Variants in UBE2QL1 observed in about 807,000 individuals in gnomAD.
The protein encoded by UBE2QL1 is ubiquitin conjugating enzyme E2 QL1, also known as ubiquitin-conjugating enzyme E2Q-like protein 1.
Under a neutral mutation model 12.6 loss-of-function variants are expected in UBE2QL1, and 5 were observed. The observed-to-expected ratio is 0.40, with a 90% confidence interval of 0.21 to 0.83. The LOEUF (loss-of-function observed/expected upper bound fraction) is 0.83, where lower values mean the gene tolerates loss of function less well. Ranked by LOEUF, UBE2QL1 falls within the 40% of genes least tolerant of loss-of-function variation. UBE2QL1 has a pLI of 0.37. For missense variants in UBE2QL1, 99 were observed against 222.6 expected (o/e 0.44, Z 3.53); for synonymous variants, 96 against 94.5 (o/e 1.02, Z -0.10).
At chr5:6,465,923 T>G (rs867957259) in intron 1 of UBE2QL1, among the ~76,000 whole-genome samples, 6 of 152,142 alleles carry the variant, frequency 3.9e-5, no homozygotes, top group African/African-American at 1.4e-4. Context: ...CTCCTCTCAG[T>G]GTATTTGCTC....
At chr5:6,468,403 G>A (rs1209740973) in intron 1 of UBE2QL1, among the ~76,000 whole-genome samples, 1 of 152,172 alleles carries the variant, frequency 6.6e-6, no homozygotes, top group East Asian at 1.9e-4. Context: ...GAGGGCAACC[G>A]GCAAAGTGAG....
chr5:6,460,304 G>A (rs1369523828), intron 1 of UBE2QL1, among the ~76,000 whole-genome samples: 1 of 152,216 alleles, frequency 6.6e-6, no homozygotes, highest in Non-Finnish European at 1.5e-5. Context: ...GCATAGGTAA[G>A]GTGATCAATA....
rs941123051 is a variant in UBE2QL1, at chr5:6,479,901, A to G, written c.355-11317A>G. 6.6e-6 allele frequency among the ~76,000 whole-genome samples: 1 copy of G among 152,150 alleles called. No individual in the cohort carries two copies. The highest frequency in any genetic ancestry group is 1.5e-5 in the Non-Finnish European group (1 of 68,012). On this transcript the variant is annotated intron_variant, in intron 1 of 1. Coordinates refer to ENST00000399816, the MANE Select transcript of UBE2QL1 (RefSeq NM_001145161.3). The surrounding 1 kb of genome is among the most constrained non-coding windows in gnomAD (Gnocchi z 4.2). ...GTGCTGCAAAGACCAGAATGTACGT[A>G]GTAAAGGTAGACTCAGGGCCCTGAT... is the stretch of plus-strand genomic sequence containing the variant.
intron 1 of UBE2QL1, among the ~76,000 whole-genome samples, chr5:6,455,603 C>T (rs970530076): frequency 6.6e-6 from 1 of 152,150 alleles, no homozygotes; most frequent in Admixed American, 6.5e-5. Context: ...GGGCTGTCCC[C>T]TCAAAGACTC....
At chr5:6,462,217 C>T (rs1361565674) in intron 1 of UBE2QL1, among the ~76,000 whole-genome samples, 1 of 151,962 alleles carries the variant, frequency 6.6e-6, no homozygotes, top group Non-Finnish European at 1.5e-5. Flanking sequence ...TGGGAGGAGG[C>T]GTATGAAAAA....
chr5:6,455,497 T>G (rs907419296), intron 1 of UBE2QL1, among the ~76,000 whole-genome samples: 3 of 152,144 alleles, frequency 2.0e-5, no homozygotes, highest in African/African-American at 7.2e-5. Context: ...AGAGGACGGC[T>G]GGCCACAAGT....
chr5:6,456,586 A>C (rs1739530209), intron 1 of UBE2QL1, among the ~76,000 whole-genome samples: 1 of 152,130 alleles, frequency 6.6e-6, no homozygotes, highest in Non-Finnish European at 1.5e-5. Context: ...TTATTTTCTC[A>C]TTGTTACACA....
intron 1 of UBE2QL1, among the ~76,000 whole-genome samples, chr5:6,463,632 TTATTATTA>T (rs1440268374): frequency 1.0e-3 from 152 of 146,602 alleles, no homozygotes; most frequent in African/African-American, 3.7e-3. Flanking sequence ...ATTATTATTA[TTATTATTA>T]TTTTTGATGC....
chr5:6,465,507 A>G (rs1739765884), intron 1 of UBE2QL1, among the ~76,000 whole-genome samples: 1 of 152,212 alleles, frequency 6.6e-6, no homozygotes, highest in Admixed American at 6.5e-5. Context: ...AGCAAAAAGT[A>G]ATTTTCTCCA....
chr5:6,491,187 C>T, intron 1 of UBE2QL1, 31 bp from the exon 2 acceptor site: 1 of 1,514,852 alleles, frequency 6.6e-7, no homozygotes, highest in Non-Finnish European at 8.8e-7. Flanking sequence ...CAGTGACGTT[C>T]TAACCTGGTT....
chr5:6,490,491 G>T (rs960005863), intron 1 of UBE2QL1, among the ~76,000 whole-genome samples: 26 of 152,214 alleles, frequency 1.7e-4, no homozygotes, highest in African/African-American at 6.0e-4. Flanking sequence ...GAGGGAGCGT[G>T]GCCCTCTTCA....
chr5:6,468,796 C>T (rs1213813128), intron 1 of UBE2QL1, among the ~76,000 whole-genome samples: 1 of 152,162 alleles, frequency 6.6e-6, no homozygotes, highest in Non-Finnish European at 1.5e-5. Context: ...GAAACAAGCA[C>T]CTACCAGAGT....
chr5:6,462,290 G>A (rs546382939), intron 1 of UBE2QL1, among the ~76,000 whole-genome samples: 3 of 152,276 alleles, frequency 2.0e-5, no homozygotes, highest in Admixed American at 6.5e-5. Context: ...GGGATCTGCC[G>A]GCAGCTGCAG....
intron 1 of UBE2QL1, 132 bp from the exon 2 acceptor site, chr5:6,491,086 T>G: frequency 9.7e-7 from 1 of 1,032,110 alleles, no homozygotes; most frequent in Non-Finnish European, 1.4e-6. Flanking sequence ...GCCCCCACCC[T>G]GCTGGTGGCC....
chr5:6,456,269 A>G (rs1026506034), intron 1 of UBE2QL1, among the ~76,000 whole-genome samples: 1 of 152,198 alleles, frequency 6.6e-6, no homozygotes, highest in African/African-American at 2.4e-5. Context: ...CTGACAATAG[A>G]CAGTGGCCTG....
intron 1 of UBE2QL1, among the ~76,000 whole-genome samples, chr5:6,483,102 C>T (rs1020444586): frequency 6.6e-6 from 1 of 152,236 alleles, no homozygotes; most frequent in Non-Finnish European, 1.5e-5. Flanking sequence ...ATTCTGTACA[C>T]TCTCTTCCAC....
intron 1 of UBE2QL1, among the ~76,000 whole-genome samples, chr5:6,482,979 G>A (rs1289117189): frequency 1.3e-5 from 2 of 152,194 alleles, no homozygotes; most frequent in Admixed American, 6.5e-5. Flanking sequence ...CTGCACATCC[G>A]TGGTTGCGCA....
At chr5:6,485,151 G>A (rs1734438920) in intron 1 of UBE2QL1, among the ~76,000 whole-genome samples, 1 of 151,940 alleles carries the variant, frequency 6.6e-6, no homozygotes, top group Admixed American at 6.5e-5. Flanking sequence ...CATTACTCGT[G>A]CACATGCTCA....
At position 6,470,477 on chromosome 5, in the gene UBE2QL1, A is replaced by G. The variant is rs182556722; in HGVS notation, c.355-20741A>G. On this transcript the variant is annotated intron_variant, in intron 1 of 1. Coordinates refer to ENST00000399816, the MANE Select transcript of UBE2QL1 (RefSeq NM_001145161.3). The stretch of plus-strand genomic sequence containing the variant: ...TTTCATGATTCCACCTGTTAGAGAT[A>G]CTGGCTGTTTTTCTGCACCCGTGAA... Among the ~76,000 whole-genome samples, 8 of 152,336 alleles carry G rather than the reference A, an allele frequency of 5.3e-5. No homozygotes were observed. In the East Asian group the frequency reaches 9.6e-4, roughly 18 times the overall value.
Sources: gnomAD v4.1 joint callset for allele counts (sites outside exome capture counted in the v4.1 genomes callset) on GRCh38, gnomAD v4.1.1 for gene constraint, Gnocchi (gnomAD v3.1) non-coding constraint, MANE v1.5 for transcripts, NCBI Gene and HGNC (gene_info 2026-07-23, HGNC 2026-07-21) for gene names.